Variants in FAN1 observed in about 807,000 individuals in gnomAD.
FAN1 encodes fanconi-associated nuclease 1.
A neutral mutation model predicts 104.9 loss-of-function variants in FAN1; 91 were observed. The ratio of observed to expected loss-of-function variants is 0.87; its 90% CI spans 0.73 to 1.03. FAN1 has a LOEUF of 1.03. Among genes scored for constraint, FAN1 ranks in the 50% least tolerant of loss-of-function variants. The probability of loss-of-function intolerance (pLI) is 0.00; values close to 1 mark genes in which losing one functional copy is unlikely to be tolerated. For synonymous variants in FAN1, 478 were observed against 457.6 expected, an observed-to-expected ratio of 1.04 and a Z score of -0.57; for missense variants, 1,263 against 1,239.9, an observed-to-expected ratio of 1.02 and a Z score of -0.28.
intron 4 of FAN1, chr15:30,911,693 C>T (rs2062104048): frequency 2.3e-6 from 2 of 887,974 alleles, no homozygotes. Context: ...TAAGTCCTTT[C>T]TTTATCTAAT....
In FAN1 at chr15:30,939,169, C is replaced by CAAATT. The variant is rs1373463145; in HGVS notation, c.*3+1913_*3+1917dup. 8.1e-6 allele frequency: 8 copies of CAAATT among 985,256 alleles called. No individual in the cohort carries two copies. The African/African-American group carries it at 1.4e-4, about 17-fold the overall frequency. 61.0% of individuals were successfully genotyped at this position (985,256 alleles called of 1,614,324 possible). ...GAACAGCTTTCACCCTCTGTTAGTA[C>CAAATT]AAATTAATATCCTTTCCTTAAATAA... On this transcript the variant is annotated intron_variant, in intron 14 of 14. Transcript: ENST00000362065.
intron 5 of FAN1, among the ~76,000 whole-genome samples, chr15:30,916,546 A>G (rs1983459): frequency 0.65 from 99,536 of 152,090 alleles, 33,158 homozygotes; most frequent in East Asian, 0.98. Context: ...TTAAGCAGAG[A>G]GCCTTAAGAT....
chr15:30,937,340 C>T (rs1445294953), intron 14 of FAN1, 81 bp downstream of exon 14: 15 of 1,358,832 alleles, frequency 1.1e-5, no homozygotes, highest in Admixed American at 4.4e-5. Context: ...ATTTTGTTAT[C>T]GTGCATTATA....
intron 4 of FAN1, chr15:30,911,306 T>G (rs780447553): frequency 1.8e-4 from 177 of 985,524 alleles, no homozygotes; most frequent in Non-Finnish European, 2.0e-4. Flanking sequence ...ACTTTTAGAA[T>G]TGATTTCTTT....
At position 30,904,839 on chromosome 15, in the gene FAN1, A is replaced by C. The variant is rs1394113080; in HGVS notation, c.176A>C (p.His59Pro). The C allele has an allele frequency of 6.2e-7, 1 of 1,613,206 alleles. No homozygotes were observed. The highest frequency in any genetic ancestry group is 8.5e-7 in the Non-Finnish European group (1 of 1,179,258). The change falls in exon 2 of 15, where the codon CAC (histidine) becomes CCC (proline). Residue 59 changes from histidine (H) to proline (P), a missense_variant. This residue lies in a region of FAN1 where 682 missense variants were observed against 571.1 expected (regional missense o/e 1.19). Transcript: ENST00000362065. ...GTGCCTAGATATGACTTAAACCGGC[A>C]CCTTGATGAAATGTGTGCTAACAAT... ...KMVPRYDLNRHLDEMCANNDF... is the reference protein window; with the variant it reads ...KMVPRYDLNRPLDEMCANNDF...
rs1221652990 is a variant in FAN1 at position 30,925,862 on chromosome 15, C to T, written c.2411C>T (p.Ala804Val). The T allele has an allele frequency of 6.2e-7, 1 of 1,614,198 alleles. No homozygotes were observed. The highest frequency in any genetic ancestry group is 8.5e-7 in the Non-Finnish European group (1 of 1,180,026). Residue 804 changes from alanine to valine, a missense_variant, in exon 10 of 15, where the codon GCC becomes GTC. Transcript: ENST00000362065. ...GTGTTTGTGATGGAGGCCGGGGAGGCCGCTGACCCCACCACGGTCCTGTGC... is the reference window on the plus strand; with the variant it reads ...GTGTTTGTGATGGAGGCCGGGGAGGTCGCTGACCCCACCACGGTCCTGTGC... Reference protein sequence around the residue: ...KSVFVMEAGEAADPTTVLCSV... With the variant: ...KSVFVMEAGEVADPTTVLCSV...
intron 14 of FAN1, among the ~76,000 whole-genome samples, chr15:30,938,033 A>C (rs2062913372): frequency 6.6e-6 from 1 of 151,826 alleles, no homozygotes; most frequent in Non-Finnish European, 1.5e-5. Context: ...AAATACAAAA[A>C]ATTGGGTGGG....
chr15:30,914,404 G>T (rs1015019679), intron 5 of FAN1, among the ~76,000 whole-genome samples: 1 of 152,058 alleles, frequency 6.6e-6, no homozygotes, highest in Non-Finnish European at 1.5e-5. Context: ...ACAGGATTTC[G>T]CCCAGGCTGG....
intron 14 of FAN1, among the ~76,000 whole-genome samples, chr15:30,937,963 A>G (rs899945759): frequency 9.9e-5 from 15 of 151,370 alleles, no homozygotes; most frequent in Non-Finnish European, 1.8e-4. Flanking sequence ...AGGCAGGCGC[A>G]TCATGAGGTC....
Position 30,905,887 on chromosome 15 carries a change from T to C in FAN1, c.1224T>C (p.Tyr408=). Residue 408 remains tyrosine, a synonymous_variant, in exon 2 of 15, where the codon TAT becomes TAC. Coordinates refer to ENST00000362065, the MANE Select transcript of FAN1 (RefSeq NM_014967.5). ...EQEKGIVTKF[Y]QLSATGQKLY... ...AGAAGGGAATTGTAACTAAATTTTA[T>C]CAGTTATCAGGTATCTTACGCACGT... 1.2e-6 allele frequency: 2 copies of C among 1,612,496 alleles called. No homozygotes were observed. Among genetic ancestry groups the C allele is most frequent in the Non-Finnish European group, 1.7e-6 (2 of 1,178,872 alleles).
intron 4 of FAN1, chr15:30,911,688 C>T (rs2062103901): frequency 1.1e-6 from 1 of 897,282 alleles, no homozygotes; most frequent in Non-Finnish European, 1.3e-6. Context: ...TCTTCTAAGT[C>T]CTTTCTTTAT....
In FAN1 at chr15:30,910,616, T is replaced by C. The variant is rs1368312072; in HGVS notation, c.1378T>C (p.Ser460Pro). The C allele has an allele frequency of 6.5e-7, 1 of 1,531,548 alleles. No individual in the cohort carries two copies. The highest frequency in any genetic ancestry group is 1.4e-5 in the African/African-American group (1 of 72,348). 94.9% of individuals were successfully genotyped at this position (1,531,548 alleles called of 1,614,324 possible). A position where few individuals can be genotyped will look rare whatever the true frequency, so the allele number is the denominator to read the frequency against. Reference sequence around the variant, plus strand: ...ACTTTTTTTTTTAACCATTTCAGAATCTGAGTTGCAAGAACTCTCTGAAGT... The same window carrying C: ...ACTTTTTTTTTTAACCATTTCAGAACCTGAGTTGCAAGAACTCTCTGAAGT... The part of the protein sequence containing the change: ...LTNAGFLQTE[S>P]ELQELSEVLE... The change falls in exon 4 of 15, where the codon TCT (serine) becomes CCT (proline). Residue 460 changes from serine (S) to proline (P), a missense_variant and splice_region_variant. By Grantham distance (74) the Ser-to-Pro change is moderately conservative (BLOSUM62 -1). This residue lies in a region of FAN1 where 682 missense variants were observed against 571.1 expected (regional missense o/e 1.19). Transcript: ENST00000362065.
chr15:30,907,131 A>G (rs2061997998), intron 2 of FAN1, among the ~76,000 whole-genome samples: 3 of 150,822 alleles, frequency 2.0e-5, no homozygotes. Context: ...CCCAGGCTGG[A>G]GTGCAGTGGT....
chr15:30,943,043 C>T lies in FAN1; in HGVS notation c.*1481C>T. On this transcript the variant is annotated 3_prime_UTR_variant, in exon 15 of 15. Coordinates refer to ENST00000362065, the MANE Select transcript of FAN1 (RefSeq NM_014967.5). ...GGAATTTTAAGCCCTTCTCATCACC[C>T]AATTGGATGTTTTTGCTTATAGCAA... 14 of 1,538,178 alleles carry T rather than the reference C, an allele frequency of 9.1e-6. No homozygotes were observed. The highest frequency in any genetic ancestry group is 1.2e-5 in the Non-Finnish European group (14 of 1,143,556).
Position 30,942,204 on chromosome 15 carries a change from T to C in FAN1, c.*642T>C, listed in dbSNP as rs1039669698. On this transcript the variant is annotated 3_prime_UTR_variant, in exon 15 of 15. Coordinates refer to ENST00000362065, the MANE Select transcript of FAN1 (RefSeq NM_014967.5). ...AGCCTCAAAGAACATTTTCCTCCCT[T>C]CCTTTGTGTCCTTATTCTAATCCTC... 2.8e-6 allele frequency: 3 copies of C among 1,085,164 alleles called. No individual in the cohort carries two copies. Among genetic ancestry groups the C allele is most frequent in the African/African-American group, 1.6e-5 (1 of 63,502 alleles). The allele number at this position is 1,085,164 out of a possible 1,614,324, so 67.2% of individuals were successfully genotyped here.
chr15:30,911,363 A>C (rs937237672), intron 4 of FAN1: 8 of 985,124 alleles, frequency 8.1e-6, no homozygotes, highest in Non-Finnish European at 9.6e-6. Flanking sequence ...CTAGCCTGGG[A>C]ATTCACTACT....
chr15:30,928,120 G>A, intron 10 of FAN1: 1 of 1,004,544 alleles, frequency 1.0e-6, no homozygotes, highest in Non-Finnish European at 1.2e-6. Context: ...TCCCCTTAGG[G>A]AAGCATTTCT....
chr15:30,908,932 A>C (rs1366192653), intron 3 of FAN1, among the ~76,000 whole-genome samples: 3 of 152,178 alleles, frequency 2.0e-5, no homozygotes, highest in Non-Finnish European at 4.4e-5. Flanking sequence ...TGATAGAATA[A>C]AGCTGGTTGT....
chr15:30,938,650 A>C (rs2062936888), intron 14 of FAN1, among the ~76,000 whole-genome samples: 1 of 152,118 alleles, frequency 6.6e-6, no homozygotes, highest in Non-Finnish European at 1.5e-5. Context: ...CTGGAACCCC[A>C]GTCTGTCTCT....
Sources: allele counts gnomAD v4.1 joint callset (sites outside exome capture counted in the v4.1 genomes callset), GRCh38; gene constraint gnomAD v4.1.1; regional missense constraint gnomAD v4.1.1; transcripts MANE v1.5; gene names NCBI Gene and HGNC (gene_info 2026-07-23, HGNC 2026-07-21).